TNFRSF8: variants seen among roughly 807,000 people sequenced by gnomAD.
TNFRSF8 encodes the protein tumor necrosis factor receptor superfamily member 8.
In TNFRSF8, 26 loss-of-function variants were observed where a neutral mutation model predicts 70.8. The ratio of observed to expected loss-of-function variants is 0.37; its 90% CI spans 0.27 to 0.51. The LOEUF (loss-of-function observed/expected upper bound fraction) is 0.51, where lower values mean the gene tolerates loss of function less well. Among genes scored for constraint, TNFRSF8 ranks in the 20% least tolerant of loss-of-function variants. The pLI, the probability that TNFRSF8 is intolerant of heterozygous loss-of-function variation, is 0.94. For missense variants in TNFRSF8, 720 were observed against 807.9 expected (o/e 0.89, Z 1.32); for synonymous variants, 356 against 339.2 (o/e 1.05, Z -0.54).
chr1:12,074,884 G>A (rs1311336447), intron 1 of TNFRSF8, among the ~76,000 whole-genome samples: 1 of 151,770 alleles, frequency 6.6e-6, no homozygotes, highest in East Asian at 2.0e-4. Flanking sequence ...GAATTCTTGG[G>A]CTCAAACAAT....
intron 4 of TNFRSF8, among the ~76,000 whole-genome samples, chr1:12,106,080 T>C (rs771657213): frequency 2.6e-5 from 4 of 152,272 alleles, no homozygotes; most frequent in Middle Eastern, 6.8e-3. Context: ...CCAGGGCTTT[T>C]AGCGGTTCTT....
At chr1:12,082,836 C>T (rs1641089985) in intron 1 of TNFRSF8, among the ~76,000 whole-genome samples, 1 of 152,094 alleles carries the variant, frequency 6.6e-6, no homozygotes, top group Non-Finnish European at 1.5e-5. Flanking sequence ...AATGTCTGTT[C>T]ATCAAAAGCC....
chr1:12,115,862 G>A (rs1641720326), intron 8 of TNFRSF8, 133 bp downstream of exon 8: 2 of 953,958 alleles, frequency 2.1e-6, no homozygotes, highest in Non-Finnish European at 1.5e-6. Flanking sequence ...TCAGGTTTGG[G>A]TTCTGGTTAT....
chr1:12,066,096 A>G (rs1314532507), intron 1 of TNFRSF8, among the ~76,000 whole-genome samples: 1 of 152,130 alleles, frequency 6.6e-6, no homozygotes, highest in Non-Finnish European at 1.5e-5. Flanking sequence ...GTGATTAGTG[A>G]AAAGGGTTAT....
chr1:12,105,521 T>C (rs565390767), intron 4 of TNFRSF8, among the ~76,000 whole-genome samples: 33 of 150,124 alleles, frequency 2.2e-4, no homozygotes, highest in Non-Finnish European at 2.4e-4. Context: ...CAAATCTGAA[T>C]CTGATCCTCT....
intron 2 of TNFRSF8, among the ~76,000 whole-genome samples, chr1:12,092,652 C>T (rs1235630585): frequency 3.3e-5 from 5 of 151,324 alleles, no homozygotes; most frequent in South Asian, 2.1e-4. Context: ...GGACTACAGG[C>T]GCCCGCCACC....
intron 8 of TNFRSF8, among the ~76,000 whole-genome samples, chr1:12,120,118 C>T (rs1641804165): frequency 6.6e-6 from 1 of 152,154 alleles, no homozygotes; most frequent in Non-Finnish European, 1.5e-5. Context: ...AAAACATTTT[C>T]AGACATAAAA....
At chr1:12,065,608 A>G (rs182936131) in intron 1 of TNFRSF8, among the ~76,000 whole-genome samples, 103 of 152,316 alleles carry the variant, frequency 6.8e-4, no homozygotes, top group Non-Finnish European at 1.3e-3. Context: ...ATAGACATAT[A>G]TATAGTTTTC....
rs553602284 is a variant in TNFRSF8, at chr1:12,113,662, C to CGAGA, written c.793+1659_793+1662dup. On this transcript the variant is annotated intron_variant, in intron 7 of 14. Transcript: ENST00000263932. The surrounding 1 kb of genome is among the most constrained non-coding windows in gnomAD (Gnocchi z 4.9). ...CAGAAAGAGAAAGAGACGGAGTGAG[C>CGAGA]GAGAGAGAGAGAGACAGAAAGACAG... Among the ~76,000 whole-genome samples the CGAGA allele has an allele frequency of 3.9e-4, 51 of 131,004 alleles. No homozygotes were observed. The highest frequency in any genetic ancestry group is 1.5e-3 in the African/African-American group (50 of 33,548). 85.9% of individuals were successfully genotyped at this position (131,004 alleles called of 152,430 possible).
chr1:12,101,262 C>T (rs1641418101), intron 3 of TNFRSF8, among the ~76,000 whole-genome samples: 1 of 151,548 alleles, frequency 6.6e-6, no homozygotes. Context: ...CCCATCTCTA[C>T]ACAAGATAAA....
chr1:12,126,327 C>A, intron 12 of TNFRSF8, 91 bp downstream of exon 12: 2 of 1,461,958 alleles, frequency 1.4e-6, no homozygotes, highest in South Asian at 1.1e-5. Context: ...GACTGAACTT[C>A]TACCCCAGCC....
intron 7 of TNFRSF8, 64 bp from the exon 8 acceptor site, chr1:12,115,513 C>A: frequency 4.5e-6 from 7 of 1,567,526 alleles, no homozygotes; most frequent in Non-Finnish European, 6.2e-6. Flanking sequence ...TTCCTGGGGG[C>A]TCTCTGGACC....
chr1:12,123,569 C>A, intron 9 of TNFRSF8, 146 bp from the exon 10 acceptor site: 1 of 897,216 alleles, frequency 1.1e-6, no homozygotes, highest in Non-Finnish European at 1.7e-6. Flanking sequence ...CAGTCCCTGC[C>A]CTCAAAATGC....
intron 4 of TNFRSF8, among the ~76,000 whole-genome samples, chr1:12,107,856 T>A (rs1292849675): frequency 2.6e-5 from 4 of 152,102 alleles, no homozygotes; most frequent in Non-Finnish European, 5.9e-5. Context: ...TCTCCTGAAA[T>A]TCTCACGTCT....
At chr1:12,095,351 G>A (rs1641314263) in intron 2 of TNFRSF8, among the ~76,000 whole-genome samples, 1 of 150,728 alleles carries the variant, frequency 6.6e-6, no homozygotes, top group Admixed American at 6.6e-5. Context: ...GCAATGGCAC[G>A]ATCTCGGCTC....
At position 12,115,947 on chromosome 1, in the gene TNFRSF8, TA is replaced by T. The variant is rs970003693; in HGVS notation, c.946+227del. ...CATTTTGGCAAGAGATTCTGTTGAT[TA>T]AAAAAAAATTCTTCCTGAAATTATT... On this transcript the variant is annotated intron_variant, in intron 8 of 14. Coordinates refer to ENST00000263932, the MANE Select transcript of TNFRSF8 (RefSeq NM_001243.5). Among the ~76,000 whole-genome samples, 7 of 151,908 alleles carry T rather than the reference TA, an allele frequency of 4.6e-5. No individual in the cohort carries two copies. In the South Asian group the frequency reaches 1.0e-3, roughly 23 times the overall value.
At chr1:12,133,929 G>A (rs1242440754) in intron 12 of TNFRSF8, among the ~76,000 whole-genome samples, 1 of 151,718 alleles carries the variant, frequency 6.6e-6, no homozygotes, top group Non-Finnish European at 1.5e-5. Flanking sequence ...GGCACATGTC[G>A]GTAATCCCAG....
At chr1:12,064,209 G>A (rs1640698255) in intron 1 of TNFRSF8, among the ~76,000 whole-genome samples, 1 of 152,296 alleles carries the variant, frequency 6.6e-6, no homozygotes, top group Admixed American at 6.5e-5. Context: ...CCCAATCCGC[G>A]TCCGGCAAAG....
chr1:12,101,698 T>C (rs1204267793), intron 3 of TNFRSF8, among the ~76,000 whole-genome samples: 1 of 152,084 alleles, frequency 6.6e-6, no homozygotes, highest in Non-Finnish European at 1.5e-5. Context: ...TTTTTTTGTT[T>C]GAGATGGAGT....
Sources: gnomAD v4.1 joint callset for allele counts (sites outside exome capture counted in the v4.1 genomes callset) on GRCh38, gnomAD v4.1.1 for gene constraint, Gnocchi (gnomAD v3.1) non-coding constraint, MANE v1.5 for transcripts, NCBI Gene and HGNC (gene_info 2026-07-23, HGNC 2026-07-21) for gene names.